The following HOMER1 variants were observed in gnomAD, a reference collection of about 807,000 sequenced individuals.
The protein encoded by HOMER1 is homer scaffold protein 1.
HOMER1 carries 3 observed loss-of-function variants against 48.9 expected under a neutral mutation model. That is an observed-to-expected ratio of 0.06 (90% CI 0.03 to 0.16). HOMER1 has a LOEUF of 0.16. Ranked by LOEUF, HOMER1 falls within the 10% of genes least tolerant of loss-of-function variation. HOMER1 has a pLI of 1.00. For synonymous variants in HOMER1, 134 were observed against 146.4 expected, an observed-to-expected ratio of 0.92 and a Z score of 0.61; for missense variants, 247 against 411.4, an observed-to-expected ratio of 0.60 and a Z score of 3.46.
At chr5:79,473,460 A>G (rs1273162478) in intron 1 of HOMER1, among the ~76,000 whole-genome samples, 1 of 152,244 alleles carries the variant, frequency 6.6e-6, no homozygotes, top group Admixed American at 6.5e-5. Flanking sequence ...TGTATTTGGC[A>G]GACATTCCAC....
chr5:79,401,820 C>T, intron 6 of HOMER1, 79 bp downstream of exon 6: 1 of 1,370,410 alleles, frequency 7.3e-7, no homozygotes, highest in Non-Finnish European at 1.0e-6. Context: ...TATCCCTGTG[C>T]TGAATCTACA....
At chr5:79,510,751 G>A in intron 1 of HOMER1, 3 of 766,816 alleles carry the variant, frequency 3.9e-6, no homozygotes, top group African/African-American at 1.7e-5. Context: ...TGGGAAGCAT[G>A]CTCGTGCCCG....
intron 1 of HOMER1, among the ~76,000 whole-genome samples, chr5:79,467,522 T>C (rs4323213): frequency 0.54 from 82,593 of 151,854 alleles, 23,519 homozygotes; most frequent in South Asian, 0.71. Context: ...TGAGTGGATG[T>C]TCAGTCCATA....
At chr5:79,502,021 A>ATTTC (rs1752605806) in intron 1 of HOMER1, among the ~76,000 whole-genome samples, 1 of 130,058 alleles carries the variant, frequency 7.7e-6, no homozygotes, top group African/African-American at 2.9e-5. Flanking sequence ...GGTCCTGATA[A>ATTTC]TTTTTTTTTT....
intron 5 of HOMER1, among the ~76,000 whole-genome samples, chr5:79,424,272 T>C (rs1350841168): frequency 1.3e-5 from 2 of 152,024 alleles, no homozygotes; most frequent in Admixed American, 6.6e-5. Context: ...AAATAACTTA[T>C]TGGTGTTAGA....
chr5:79,500,236 A>G (rs1266765173), intron 1 of HOMER1, among the ~76,000 whole-genome samples: 2 of 152,218 alleles, frequency 1.3e-5, no homozygotes, highest in Non-Finnish European at 2.9e-5. Context: ...AAGGATTACT[A>G]TTAAAAAAAA....
Position 79,376,165 on chromosome 5 carries a change from T to C in HOMER1, c.909A>G (p.Gly303=), listed in dbSNP as rs911163249. 10 of 1,612,654 alleles carry C rather than the reference T, an allele frequency of 6.2e-6. No homozygotes were observed. Among genetic ancestry groups the C allele is most frequent in the Non-Finnish European group, 8.5e-6 (10 of 1,179,490 alleles). The change falls in exon 9 of 9, where the codon GGA becomes GGG. Residue 303 remains glycine (G), a synonymous_variant. Coordinates refer to ENST00000334082, the MANE Select transcript of HOMER1 (RefSeq NM_004272.5). The part of the protein sequence containing the change: ...EVEIRNKDLE[G]QLSDLEQRLE... ...GACGTTGCTCTAAGTCAGACAGTTG[T>C]CCCTCCAGGTCTTTGTTCCGAATTT...
chr5:79,470,608 C>T (rs765610782), intron 1 of HOMER1, among the ~76,000 whole-genome samples: 11 of 152,064 alleles, frequency 7.2e-5, no homozygotes. Flanking sequence ...CATCAAAGAA[C>T]TAAAATTAAA....
intron 4 of HOMER1, among the ~76,000 whole-genome samples, chr5:79,445,412 C>G (rs77781258): frequency 0.061 from 9,252 of 152,276 alleles, 718 homozygotes; most frequent in East Asian, 0.19. Flanking sequence ...CTATATTAAT[C>G]ATACAGTAAA....
chr5:79,413,865 A>G (rs1423182675), intron 5 of HOMER1, among the ~76,000 whole-genome samples: 1 of 152,160 alleles, frequency 6.6e-6, no homozygotes. Flanking sequence ...AAGAAATGAA[A>G]ACAGAGTAAT....
Position 79,375,904 on chromosome 5 carries a change from A to ATTT in HOMER1, c.*102_*104dup, listed in dbSNP as rs34470593. Reference sequence around the variant, plus strand: ...CCTCCTCCTGGAGGAGTGATATTCAATTTTTTTTTTTTTTTTTTTGTGCAA... The same window carrying ATTT: ...CCTCCTCCTGGAGGAGTGATATTCAATTTTTTTTTTTTTTTTTTTTTTGTGCAA... On this transcript the variant is annotated 3_prime_UTR_variant, in exon 9 of 9. Coordinates refer to ENST00000334082, the MANE Select transcript of HOMER1 (RefSeq NM_004272.5). 3.2e-3 allele frequency: 1,120 copies of ATTT among 351,534 alleles called. 2 individuals are homozygous for ATTT. Among genetic ancestry groups the ATTT allele is most frequent in the Non-Finnish European group, 3.7e-3 (756 of 204,336 alleles). The allele number at this position is 351,534 out of a possible 1,614,324, so 21.8% of individuals were successfully genotyped here. A position where few individuals can be genotyped will look rare whatever the true frequency, so the allele number is the denominator to read the frequency against.
At chr5:79,400,890 G>A (rs540906155) in intron 6 of HOMER1, among the ~76,000 whole-genome samples, 24 of 144,314 alleles carry the variant, frequency 1.7e-4, no homozygotes, top group African/African-American at 4.6e-4. Context: ...GACTACAGGC[G>A]TGTGTCCCCA....
intron 7 of HOMER1, among the ~76,000 whole-genome samples, 177 bp from the exon 8 acceptor site, chr5:79,397,080 A>T (rs959758713): frequency 3.6e-4 from 55 of 152,190 alleles, no homozygotes; most frequent in African/African-American, 1.3e-3. Context: ...TAGAACAATA[A>T]TCTTAAGCAA....
intron 4 of HOMER1, among the ~76,000 whole-genome samples, chr5:79,444,256 T>C (rs1750815738): frequency 6.6e-6 from 1 of 152,144 alleles, no homozygotes. Context: ...CAGGCTGCAG[T>C]GCAGTGACGT....
At chr5:79,509,062 A>G (rs150144772) in intron 1 of HOMER1, among the ~76,000 whole-genome samples, 1 of 152,328 alleles carries the variant, frequency 6.6e-6, no homozygotes, top group East Asian at 1.9e-4. Context: ...CATTTTTGCT[A>G]CAACCCCTAG....
At chr5:79,389,892 T>C (rs1226105874) in intron 8 of HOMER1, among the ~76,000 whole-genome samples, 1 of 151,638 alleles carries the variant, frequency 6.6e-6, no homozygotes, top group Non-Finnish European at 1.5e-5. Flanking sequence ...GTAGAAATAA[T>C]GCAACCAAAA....
intron 2 of HOMER1, 64 bp downstream of exon 2, chr5:79,456,798 G>GAAAA: frequency 7.1e-7 from 1 of 1,406,502 alleles, no homozygotes; most frequent in South Asian, 1.2e-5. Context: ...GTTCTGAATA[G>GAAAA]AACTAAAATG....
chr5:79,484,830 C>A (rs1752051267), intron 1 of HOMER1, among the ~76,000 whole-genome samples: 1 of 152,166 alleles, frequency 6.6e-6, no homozygotes, highest in Non-Finnish European at 1.5e-5. Flanking sequence ...AGACTGCACA[C>A]AATATCTGTT....
chr5:79,457,271 G>A (rs968033746), intron 1 of HOMER1, among the ~76,000 whole-genome samples: 5 of 152,156 alleles, frequency 3.3e-5, no homozygotes, highest in Non-Finnish European at 7.3e-5. Flanking sequence ...ATCTGTAACC[G>A]CCAAATCAAT....
Sources: allele counts gnomAD v4.1 joint callset (sites outside exome capture counted in the v4.1 genomes callset), GRCh38; gene constraint gnomAD v4.1.1; transcripts MANE v1.5; gene names NCBI Gene and HGNC (gene_info 2026-07-23, HGNC 2026-07-21).